The following LAMB4 variants were observed in gnomAD, a reference collection of about 807,000 sequenced individuals.
LAMB4 encodes laminin subunit beta-4.
Under a neutral mutation model 199.2 loss-of-function variants are expected in LAMB4, and 196 were observed. The ratio of observed to expected loss-of-function variants is 0.98; its 90% CI spans 0.88 to 1.11. LAMB4 has a LOEUF of 1.11. Among genes scored for constraint, LAMB4 ranks in the 50% least tolerant of loss-of-function variants. The pLI is 0.00. For missense variants in LAMB4, 2,080 were observed against 2,171.2 expected, an observed-to-expected ratio of 0.96 and a Z score of 0.83; for synonymous variants, 744 against 770.6, an observed-to-expected ratio of 0.97 and a Z score of 0.57.
At position 108,111,875 on chromosome 7, in the gene LAMB4, G is replaced by T; in HGVS notation, c.264C>A (p.Thr88=). Residue 88 remains threonine (T), a synonymous_variant, in exon 4 of 34, where the codon ACC becomes ACA. Transcript: ENST00000388781. ...YDPYDQPNSH[T]IENVIVSFEP... The stretch of plus-strand genomic sequence containing the variant: ...CAAAACTTACAATGACATTCTCAAT[G>T]GTGTGGCTGTTGGGTTGGTCATACG... 1 of 1,611,334 alleles carries T rather than the reference G, an allele frequency of 6.2e-7. No individual in the cohort carries two copies. Among genetic ancestry groups the T allele is most frequent in the Non-Finnish European group, 8.5e-7 (1 of 1,178,482 alleles).
intron 1 of LAMB4, among the ~76,000 whole-genome samples, chr7:108,124,487 T>G (rs1034075347): frequency 1.4e-4 from 22 of 152,274 alleles, no homozygotes; most frequent in African/African-American, 5.3e-4. Flanking sequence ...TACACACACA[T>G]GCATATATAC....
chr7:108,117,178 T>C (rs1293309234), intron 2 of LAMB4, among the ~76,000 whole-genome samples: 1 of 152,218 alleles, frequency 6.6e-6, no homozygotes, highest in African/African-American at 2.4e-5. Context: ...TTTCATAAAT[T>C]ACCTATATAG....
intron 28 of LAMB4, among the ~76,000 whole-genome samples, chr7:108,044,977 AAAG>A (rs2035570424): frequency 2.0e-5 from 3 of 148,440 alleles, no homozygotes; most frequent in African/African-American, 7.7e-5. Context: ...AAAAAAAAGA[AAAG>A]AAAAGAAAAA....
At chr7:108,041,022 T>G (rs2035403675) in intron 29 of LAMB4, among the ~76,000 whole-genome samples, 1 of 152,046 alleles carries the variant, frequency 6.6e-6, no homozygotes. Flanking sequence ...AGGTCTAATA[T>G]CCAGCATCTA....
chr7:108,016,275 ATTTTTTTTTTTT>A, the LAMB4 span, among the ~76,000 whole-genome samples: 1 of 97,834 alleles, frequency 1.0e-5, no homozygotes, highest in Non-Finnish European at 1.9e-5. Context: ...GCATTTTGGA[ATTTTTTTTTTTT>A]TTTTTTTTTT....
At chr7:108,120,567 A>G (rs1296389063) in intron 2 of LAMB4, among the ~76,000 whole-genome samples, 1 of 152,240 alleles carries the variant, frequency 6.6e-6, no homozygotes, top group Non-Finnish European at 1.5e-5. Flanking sequence ...GTTTTGTGGT[A>G]TAATAAATGG....
chr7:108,068,453 A>G lies in LAMB4; in HGVS notation c.2303-294T>C, dbSNP rs116449310. On this transcript the variant is annotated intron_variant, in intron 18 of 33. Coordinates refer to ENST00000388781, the MANE Select transcript of LAMB4 (RefSeq NM_007356.3). ...TTTAAATAATTATTCTAATGTAATT[A>G]ATACTATTGGCATTCTTAATACTTC... 6.9e-3 allele frequency among the ~76,000 whole-genome samples: 1,058 copies of G among 152,326 alleles called. 14 individuals are homozygous for G. The highest frequency in any genetic ancestry group is 0.024 in the African/African-American group (1,002 of 41,554).
At chr7:108,124,857 G>C (rs1265858787) in intron 1 of LAMB4, among the ~76,000 whole-genome samples, 1 of 152,138 alleles carries the variant, frequency 6.6e-6, no homozygotes, top group East Asian at 1.9e-4. Context: ...TAGCACTCCA[G>C]TTTCTGTTTT....
chr7:108,030,364 T>A (rs1584584905), intron 32 of LAMB4, among the ~76,000 whole-genome samples: 1 of 152,254 alleles, frequency 6.6e-6, no homozygotes, highest in South Asian at 2.1e-4. Context: ...TTTCCACAAC[T>A]GTTTAATTAA....
chr7:108,069,806 C>T lies in LAMB4; in HGVS notation c.2204G>A (p.Cys735Tyr), dbSNP rs1007334724. The change falls in exon 18 of 34, where the codon TGT becomes TAT. Residue 735 changes from cysteine (C) to tyrosine (Y), a missense_variant. Cys to Tyr is a radical substitution (Grantham distance 194, BLOSUM62 -2). Coordinates refer to ENST00000388781, the MANE Select transcript of LAMB4 (RefSeq NM_007356.3). ...TCCCATTGCTGAGGCAATTTCAACACAGTTGTGAAGCTGATACTCATCTAA... is the reference window on the plus strand; with the variant it reads ...TCCCATTGCTGAGGCAATTTCAACATAGTTGTGAAGCTGATACTCATCTAA... ...QDLDEYQLHN[C>Y]VEIASAMGPQ... The T allele has an allele frequency of 1.4e-5, 22 of 1,614,002 alleles. No homozygotes were observed. The highest frequency in any genetic ancestry group is 2.2e-5 in the South Asian group (2 of 91,092).
At chr7:108,119,517 G>T (rs958244681) in intron 2 of LAMB4, among the ~76,000 whole-genome samples, 1 of 152,176 alleles carries the variant, frequency 6.6e-6, no homozygotes, top group Non-Finnish European at 1.5e-5. Context: ...GTGAAAAAAG[G>T]TTATGTACTG....
In LAMB4 at chr7:108,105,984, T is replaced by G; in HGVS notation, c.703A>C (p.Thr235Pro). The G allele has an allele frequency of 6.2e-7, 1 of 1,614,096 alleles. No homozygotes were observed. The highest frequency in any genetic ancestry group is 1.1e-5 in the South Asian group (1 of 91,080). The change falls in exon 8 of 34, where the codon ACC becomes CCC. Residue 235 changes from threonine to proline, a missense_variant. Transcript: ENST00000388781. ...CTTCCAAGCAAAGCATCCCCAAGGG[T>G]GTGGAGCTTGGTAAAGTTTATCCTC... ...NLRINFTKLH[T>P]LGDALLGRRQ...
chr7:108,057,807 A>G, intron 24 of LAMB4, 25 bp downstream of exon 24: 1 of 1,472,876 alleles, frequency 6.8e-7, no homozygotes, highest in Non-Finnish European at 9.5e-7. Context: ...TGTACGCATG[A>G]GTTTTTAGAA....
chr7:108,124,805 A>G (rs2150703093), intron 1 of LAMB4, among the ~76,000 whole-genome samples: 1 of 152,270 alleles, frequency 6.6e-6, no homozygotes, highest in Middle Eastern at 3.4e-3. Context: ...CTACTCCCAT[A>G]TTCCCAGTCC....
chr7:108,111,672 TG>T, intron 4 of LAMB4, 138 bp downstream of exon 4: 1 of 648,520 alleles, frequency 1.5e-6, no homozygotes. Flanking sequence ...TATTCTTATA[TG>T]GGTCTCTACA....
intron 30 of LAMB4, among the ~76,000 whole-genome samples, chr7:108,037,043 G>A (rs2035255023): frequency 6.6e-6 from 1 of 151,892 alleles, no homozygotes; most frequent in African/African-American, 2.4e-5. Context: ...ACCAAACATA[G>A]ATAAATAAGG....
At chr7:108,095,481 G>A (rs1464734819) in intron 11 of LAMB4, 144 bp from the exon 12 acceptor site, 15 of 636,696 alleles carry the variant, frequency 2.4e-5, no homozygotes, top group South Asian at 1.5e-4. Flanking sequence ...GCCTGGCTGC[G>A]TGATTATTGT....
At chr7:108,108,053 A>G (rs990125210) in intron 5 of LAMB4, among the ~76,000 whole-genome samples, 2 of 152,050 alleles carry the variant, frequency 1.3e-5, no homozygotes, top group Non-Finnish European at 2.9e-5. Flanking sequence ...TGATCCTCCC[A>G]CCTCAGCCTC....
chr7:108,114,037 T>G (rs770400637), intron 3 of LAMB4, among the ~76,000 whole-genome samples: 1 of 152,204 alleles, frequency 6.6e-6, no homozygotes, highest in Non-Finnish European at 1.5e-5. Flanking sequence ...GTGGTATAAC[T>G]TTGAGATATA....
Sources: allele counts gnomAD v4.1 joint callset (sites outside exome capture counted in the v4.1 genomes callset), GRCh38; gene constraint gnomAD v4.1.1; transcripts MANE v1.5; gene names NCBI Gene and HGNC (gene_info 2026-07-23, HGNC 2026-07-21).